Variants in ARHGAP11B observed in about 807,000 individuals in gnomAD.
The protein encoded by ARHGAP11B is Rho GTPase activating protein 11B.
A neutral mutation model predicts 27.6 loss-of-function variants in ARHGAP11B; 14 were observed. The ratio of observed to expected loss-of-function variants is 0.51; its 90% CI spans 0.34 to 0.79. ARHGAP11B has a LOEUF of 0.79. ARHGAP11B is among the 30% of genes least tolerant of loss of function. ARHGAP11B has a pLI of 0.02. For synonymous variants in ARHGAP11B, 82 were observed against 114.1 expected (o/e 0.72, Z 1.80); for missense variants, 245 against 320.1 (o/e 0.77, Z 1.79).
chr15:30,644,574 G>A, intron 7 of ARHGAP11B: 1 of 915,510 alleles, frequency 1.1e-6, no homozygotes, highest in Non-Finnish European at 1.7e-6. Flanking sequence ...TGATATAAGG[G>A]ACATATAAGG....
At position 30,628,474 on chromosome 15, in the gene ARHGAP11B, T is replaced by C. The variant is rs574728609; in HGVS notation, c.129+1525T>C. 8.5e-5 allele frequency among the ~76,000 whole-genome samples: 13 copies of C among 152,178 alleles called. 2 individuals are homozygous for C. The highest frequency in any genetic ancestry group is 3.1e-4 in the African/African-American group (13 of 41,534). ...TTCCACCCCTACTACATCTGTAAACTTGGGCTGCTTGTTTGATTTCCCTAA... is the reference window on the plus strand; with the variant it reads ...TTCCACCCCTACTACATCTGTAAACCTGGGCTGCTTGTTTGATTTCCCTAA... On this transcript the variant is annotated intron_variant, in intron 1 of 10. Transcript: ENST00000428041.
At chr15:30,639,626 T>C (rs909347014) in intron 7 of ARHGAP11B, among the ~76,000 whole-genome samples, 2 of 152,062 alleles carry the variant, frequency 1.3e-5, no homozygotes, top group Non-Finnish European at 2.9e-5. Flanking sequence ...AGCCCAGCTA[T>C]CTGAATCACC....
chr15:30,642,074 T>C (rs2060319290), intron 7 of ARHGAP11B, among the ~76,000 whole-genome samples: 1 of 152,034 alleles, frequency 6.6e-6, no homozygotes, highest in Non-Finnish European at 1.5e-5. Flanking sequence ...TATGACACTT[T>C]AGATGTATAA....
intron 10 of ARHGAP11B, among the ~76,000 whole-genome samples, chr15:30,648,282 G>T (rs2060363960): frequency 1.3e-5 from 2 of 151,992 alleles, no homozygotes; most frequent in South Asian, 4.1e-4. Flanking sequence ...CCAATGGAAG[G>T]AAGTGTCCTT....
intron 2 of ARHGAP11B, among the ~76,000 whole-genome samples, chr15:30,632,539 CTGTTT>C (rs974312638): frequency 1.1e-4 from 16 of 151,704 alleles, no homozygotes; most frequent in African/African-American, 3.9e-4. Context: ...ATTAAAAAGA[CTGTTT>C]TGTCAGTTAC....
At chr15:30,639,438 TTAAG>T (rs2060301922) in intron 7 of ARHGAP11B, among the ~76,000 whole-genome samples, 1 of 151,452 alleles carries the variant, frequency 6.6e-6, no homozygotes, top group African/African-American at 2.4e-5. Context: ...TTATTTTCAT[TTAAG>T]TAATTGCAGA....
intron 3 of ARHGAP11B, 85 bp from the exon 4 acceptor site, chr15:30,634,083 AGT>A: frequency 1.3e-6 from 2 of 1,512,710 alleles, no homozygotes; most frequent in Non-Finnish European, 1.8e-6. Flanking sequence ...ATTAAAGAAA[AGT>A]GTAATTAGAG....
At chr15:30,644,281 G>A (rs967628744) in intron 7 of ARHGAP11B, among the ~76,000 whole-genome samples, 3 of 151,934 alleles carry the variant, frequency 2.0e-5, no homozygotes, top group African/African-American at 7.3e-5. Context: ...TTATATTTTT[G>A]TATCCCCCTT....
rs559199584 is a variant in ARHGAP11B, at chr15:30,644,552, T to G, written c.*79-87T>G. The G allele has an allele frequency of 2.0e-4, 149 of 739,512 alleles. 1 individual carries two copies. The South Asian group carries it at 2.7e-3, about 13-fold the overall frequency. 45.8% of individuals were successfully genotyped at this position (739,512 alleles called of 1,614,324 possible). On this transcript the variant is annotated intron_variant, in intron 7 of 10. Coordinates refer to ENST00000428041, the Ensembl canonical transcript of ARHGAP11B. ...TTACACATTCTTTTTTTGTCCTCAT[T>G]GATTTATTATCTGATATAAGGGACA...
chr15:30,635,080 A>C (rs1567513500), exon 5 of ARHGAP11B: 1 of 1,613,084 alleles, frequency 6.2e-7, no homozygotes, highest in Non-Finnish European at 8.5e-7. Flanking sequence ...TTCACTTAAG[A>C]TCCAGTGAGA....
At chr15:30,635,037 T>G in intron 4 of ARHGAP11B, 43 bp from the exon 5 acceptor site, 1 of 1,588,044 alleles carries the variant, frequency 6.3e-7, no homozygotes, top group Non-Finnish European at 8.6e-7. Context: ...TCTTCTGTAT[T>G]TTCACGTTTG....
At chr15:30,633,170 G>A (rs1456178768) in intron 2 of ARHGAP11B, among the ~76,000 whole-genome samples, 2 of 149,992 alleles carry the variant, frequency 1.3e-5, no homozygotes, top group Non-Finnish European at 3.0e-5. Flanking sequence ...ATAGGGGTGA[G>A]TAGAGACTGA....
chr15:30,646,620 G>GC (rs989059571), intron 9 of ARHGAP11B, among the ~76,000 whole-genome samples: 17 of 151,078 alleles, frequency 1.1e-4, no homozygotes, highest in Non-Finnish European at 2.1e-4. Context: ...CTGAGATTGT[G>GC]CCACTGCACT....
At chr15:30,648,062 G>A (rs2140912795) in intron 10 of ARHGAP11B, among the ~76,000 whole-genome samples, 1 of 152,020 alleles carries the variant, frequency 6.6e-6, no homozygotes, top group Admixed American at 6.6e-5. Flanking sequence ...GACTCCCAAA[G>A]TGTTAGGATT....
rs947616442 is a variant in ARHGAP11B at position 30,646,858 on chromosome 15, A to C, written c.*324+563A>C. On this transcript the variant is annotated intron_variant, in intron 9 of 10. Coordinates refer to ENST00000428041, the Ensembl canonical transcript of ARHGAP11B. Reference sequence around the variant, plus strand: ...GTGGTGCACTCGTGTAATCCTAGCTACTGGCGAGGCTGAGGCAGGAGAATC... The same window carrying C: ...GTGGTGCACTCGTGTAATCCTAGCTCCTGGCGAGGCTGAGGCAGGAGAATC... Among the ~76,000 whole-genome samples the C allele has an allele frequency of 5.6e-4, 85 of 151,788 alleles. 1 individual carries two copies. The highest frequency in any genetic ancestry group is 2.0e-3 in the African/African-American group (83 of 41,428).
intron 2 of ARHGAP11B, among the ~76,000 whole-genome samples, 198 bp downstream of exon 2, chr15:30,630,971 C>A (rs2060241752): frequency 6.6e-6 from 1 of 151,864 alleles, no homozygotes; most frequent in African/African-American, 2.4e-5. Flanking sequence ...ACTCAGGGGG[C>A]TGGGGTGGGA....
intron 1 of ARHGAP11B, 38 bp downstream of exon 1, chr15:30,626,987 G>A: frequency 1.2e-6 from 2 of 1,609,658 alleles, no homozygotes; most frequent in East Asian, 2.2e-5. Flanking sequence ...TTAAAAGAAA[G>A]GGCACACCCT....
chr15:30,640,003 TG>T (rs1360476285), intron 7 of ARHGAP11B, among the ~76,000 whole-genome samples: 48 of 150,686 alleles, frequency 3.2e-4, no homozygotes, highest in Non-Finnish European at 5.3e-4. Flanking sequence ...TGTGTGTGTG[TG>T]TGTGTGTGTT....
At chr15:30,630,509 A>G (rs1433036278) in intron 1 of ARHGAP11B, among the ~76,000 whole-genome samples, 194 bp from the exon 2 acceptor site, 1 of 151,950 alleles carries the variant, frequency 6.6e-6, no homozygotes, top group East Asian at 1.9e-4. Context: ...TACTCCCAGC[A>G]CTCAGCATAC....
Sources: gnomAD v4.1 joint callset for allele counts (sites outside exome capture counted in the v4.1 genomes callset) on GRCh38, gnomAD v4.1.1 for gene constraint, MANE v1.5 for transcripts, NCBI Gene and HGNC (gene_info 2026-07-23, HGNC 2026-07-21) for gene names.